Variants in NUP210L observed in about 807,000 individuals in gnomAD.
The protein encoded by NUP210L is nuclear pore membrane glycoprotein 210-like.
A neutral mutation model predicts 208.5 loss-of-function variants in NUP210L; 74 were observed. The observed-to-expected ratio is 0.35, with a 90% confidence interval of 0.29 to 0.43. NUP210L has a LOEUF of 0.43. Ranked by LOEUF, NUP210L falls within the 20% of genes least tolerant of loss-of-function variation. NUP210L has a pLI of 1.00. For missense variants in NUP210L, 1,843 were observed against 2,289.4 expected (o/e 0.81, Z 3.98); for synonymous variants, 780 against 816.9 (o/e 0.95, Z 0.77).
chr1:154,001,623 G>T, intron 36 of NUP210L, 112 bp downstream of exon 36: 2 of 1,143,778 alleles, frequency 1.7e-6, no homozygotes, highest in Non-Finnish European at 1.3e-6. Context: ...CATTTCCTAT[G>T]GTAATTTTTA....
chr1:154,027,083 AAAAAAAAAAAAAAC>A (rs1490611097), intron 29 of NUP210L, among the ~76,000 whole-genome samples: 1 of 77,094 alleles, frequency 1.3e-5, no homozygotes, highest in Non-Finnish European at 3.0e-5. Flanking sequence ...ACTGTCTCAA[AAAAAAAAAAAAAAC>A]AAAAAAAAAA....
intron 13 of NUP210L, among the ~76,000 whole-genome samples, chr1:154,101,614 T>C (rs868403224): frequency 4.6e-4 from 70 of 152,296 alleles, no homozygotes; most frequent in African/African-American, 1.7e-3. Context: ...TATATATATA[T>C]GAGCAAAGAT....
chr1:154,111,066 G>T (rs1418822922), intron 12 of NUP210L, among the ~76,000 whole-genome samples: 1 of 148,232 alleles, frequency 6.7e-6, no homozygotes, highest in Non-Finnish European at 1.5e-5. Flanking sequence ...AAAAAAAAAA[G>T]AGAGAGAGAG....
rs1649847274 is a variant in NUP210L, at chr1:153,996,129, A to G, written c.5387-949T>C. Among the ~76,000 whole-genome samples the G allele has an allele frequency of 2.0e-5, 3 of 152,106 alleles. 1 individual carries two copies. The South Asian group carries it at 6.2e-4, about 32-fold the overall frequency. On this transcript the variant is annotated intron_variant, in intron 37 of 39. Coordinates refer to ENST00000368559, the Ensembl canonical transcript of NUP210L. ...AACATGGTGAAACCCCGTCTCTACT[A>G]AAAATAGAAAAAATTAGCTGGGTGT... is the stretch of plus-strand genomic sequence containing the variant.
rs780904179 is a variant in NUP210L, at chr1:154,022,381, A to T, written c.4299-38T>A. The T allele has an allele frequency of 7.2e-6, 11 of 1,536,508 alleles. No individual in the cohort carries two copies. The South Asian group carries it at 1.2e-4, about 17-fold the overall frequency. ...ATTAAAGGTAGAAATCTTTAAAAAG[A>T]GACAATAGTTAGAAAATAGTTCTGG... is the stretch of plus-strand genomic sequence containing the variant. On this transcript the variant is annotated intron_variant, in intron 31 of 39. Transcript: ENST00000368559.
At chr1:154,041,975 AAG>A (rs1205650431) in intron 27 of NUP210L, among the ~76,000 whole-genome samples, 1 of 152,212 alleles carries the variant, frequency 6.6e-6, no homozygotes, top group African/African-American at 2.4e-5. Context: ...AGTTATCTGG[AAG>A]AGTCTCATGC....
chr1:153,994,535 C>T (rs184496783), intron 38 of NUP210L, among the ~76,000 whole-genome samples: 1 of 151,388 alleles, frequency 6.6e-6, no homozygotes, highest in African/African-American at 2.4e-5. Context: ...TGGTCTCGAA[C>T]TCCTGAACTT....
At chr1:154,152,187 A>G (rs1326999418) in intron 2 of NUP210L, among the ~76,000 whole-genome samples, 2 of 91,228 alleles carry the variant, frequency 2.2e-5, no homozygotes, top group Non-Finnish European at 4.3e-5. Flanking sequence ...ATTTTGTTTT[A>G]TTGAGATGGA....
Position 154,019,131 on chromosome 1 carries a change from T to C in NUP210L, c.4517-62A>G, listed in dbSNP as rs945750324. The C allele has an allele frequency of 5.8e-6, 9 of 1,550,186 alleles. No individual in the cohort carries two copies. In the Admixed American group the frequency reaches 1.1e-4, roughly 19 times the overall value. ...TTTGATATAAATCACTCTGGACTTA[T>C]TCATACTCCAAATCAGTAAATTTTT... On this transcript the variant is annotated intron_variant, in intron 32 of 39. Transcript: ENST00000368559.
chr1:154,153,649 T>C (rs183506552), intron 1 of NUP210L, among the ~76,000 whole-genome samples: 13 of 152,242 alleles, frequency 8.5e-5, no homozygotes, highest in Non-Finnish European at 1.5e-4. Context: ...TCTCACTATG[T>C]TGATCCGGCT....
At chr1:154,064,525 C>T (rs1003439771) in intron 17 of NUP210L, among the ~76,000 whole-genome samples, 6 of 152,070 alleles carry the variant, frequency 3.9e-5, no homozygotes, top group African/African-American at 1.4e-4. Context: ...GGTAGCCTTC[C>T]CTGTTCAAGA....
chr1:154,128,985 T>A (rs1658118073), intron 8 of NUP210L, among the ~76,000 whole-genome samples: 1 of 152,262 alleles, frequency 6.6e-6, no homozygotes, highest in Admixed American at 6.5e-5. Flanking sequence ...TTCATTGTTT[T>A]CATATGGCCT....
At chr1:154,013,549 G>C (rs1309808565) in intron 33 of NUP210L, among the ~76,000 whole-genome samples, 1 of 151,874 alleles carries the variant, frequency 6.6e-6, no homozygotes, top group East Asian at 1.9e-4. Flanking sequence ...ACTCCAGCCT[G>C]GGCGACAGAG....
At chr1:154,129,394 G>A (rs1209145727) in intron 7 of NUP210L, 49 bp from the exon 8 acceptor site, 13 of 1,109,886 alleles carry the variant, frequency 1.2e-5, no homozygotes, top group Non-Finnish European at 1.8e-5. Context: ...GGGTGAAAAG[G>A]TGAGGTACCA....
chr1:153,995,418 TAGTA>T (rs1261029477), intron 37 of NUP210L, among the ~76,000 whole-genome samples: 5 of 152,180 alleles, frequency 3.3e-5, no homozygotes, highest in Non-Finnish European at 5.9e-5. Context: ...CCAGCCTTCT[TAGTA>T]AGAGAGAAGA....
At chr1:153,998,653 G>A (rs936625125) in intron 37 of NUP210L, among the ~76,000 whole-genome samples, 1 of 150,148 alleles carries the variant, frequency 6.7e-6, no homozygotes, top group Non-Finnish European at 1.5e-5. Flanking sequence ...GGGATCCGTG[G>A]TCTCTAGATT....
In NUP210L at chr1:154,010,763, G is replaced by A. The variant is rs1650860266; in HGVS notation, c.4781-642C>T. On this transcript the variant is annotated intron_variant, in intron 34 of 39. Coordinates refer to ENST00000368559, the Ensembl canonical transcript of NUP210L. ...CTCATGCCTGTAATCCCAGCTACTC[G>A]GGAGGCTGAGGCAGGAGAATTGCTT... 2.0e-5 allele frequency among the ~76,000 whole-genome samples: 3 copies of A among 151,738 alleles called. No homozygotes were observed. The Admixed American group carries it at 2.0e-4, about 10-fold the overall frequency.
At chr1:154,077,893 G>A (rs1053527659) in intron 16 of NUP210L, among the ~76,000 whole-genome samples, 3 of 151,992 alleles carry the variant, frequency 2.0e-5, no homozygotes, top group Admixed American at 6.6e-5. Context: ...GCTGAGACAG[G>A]AGAATTGCTT....
intron 28 of NUP210L, among the ~76,000 whole-genome samples, chr1:154,027,800 A>G (rs1229721960): frequency 6.6e-6 from 1 of 152,162 alleles, no homozygotes; most frequent in Non-Finnish European, 1.5e-5. Context: ...ACGTAACTAG[A>G]TATTCTAGAA....
Sources: allele counts gnomAD v4.1 joint callset (sites outside exome capture counted in the v4.1 genomes callset), GRCh38; gene constraint gnomAD v4.1.1; transcripts MANE v1.5; gene names NCBI Gene and HGNC (gene_info 2026-07-23, HGNC 2026-07-21).